The following SHF variants were observed in gnomAD, a reference collection of about 807,000 sequenced individuals.
SHF encodes SH2 domain-containing adapter protein F.
A neutral mutation model predicts 42.4 loss-of-function variants in SHF; 30 were observed. The ratio of observed to expected loss-of-function variants is 0.71; its 90% confidence interval spans 0.53 to 0.96. The LOEUF (loss-of-function observed/expected upper bound fraction) is 0.96. Ranked by LOEUF, SHF falls within the 40% of genes least tolerant of loss-of-function variation. The probability of loss-of-function intolerance (pLI) is 0.00; values close to 1 mark genes in which losing one functional copy is unlikely to be tolerated. For synonymous variants in SHF, 264 were observed against 269.9 expected, an observed-to-expected ratio of 0.98 and a Z score of 0.21; for missense variants, 598 against 634.0, an observed-to-expected ratio of 0.94 and a Z score of 0.61.
At chr15:45,192,131 A>G (rs1898723787), upstream of SHF, among the ~76,000 whole-genome samples, 1 of 152,048 alleles carries the variant, frequency 6.6e-6, no homozygotes, top group Non-Finnish European at 1.5e-5. Context: ...GAATTCTATC[A>G]GGCTACAAGA....
At chr15:45,172,027 G>A (rs1353678150) in intron 5 of SHF, 25 bp from the exon 6 acceptor site, 1 of 1,613,856 alleles carries the variant, frequency 6.2e-7, no homozygotes, top group Non-Finnish European at 8.5e-7. Context: ...GAGGAAGGGG[G>A]GCATCTCTGC....
chr15:45,198,553 A>G, intron 2 of SHF: 4 of 528,036 alleles, frequency 7.6e-6, no homozygotes, highest in Non-Finnish European at 1.3e-5. Context: ...ATAAAATGTT[A>G]CAAAAAAGGG....
intron 2 of SHF, among the ~76,000 whole-genome samples, chr15:45,193,778 G>C (rs866831491): frequency 3.3e-5 from 5 of 152,134 alleles, no homozygotes; most frequent in Admixed American, 6.5e-5. Context: ...CCTTATGCAG[G>C]CTTCATGCAG....
At chr15:45,200,910 G>A (rs1383842099) in exon 1 of SHF, 1 of 454,106 alleles carries the variant, frequency 2.2e-6, no homozygotes, top group Non-Finnish European at 4.4e-6. Context: ...TGCAGGCCCG[G>A]CCTCATAGGA....
chr15:45,177,802 G>A (rs1208399198), intron 2 of SHF, among the ~76,000 whole-genome samples: 1 of 152,090 alleles, frequency 6.6e-6, no homozygotes, highest in Non-Finnish European at 1.5e-5. Flanking sequence ...TGTATTTCTA[G>A]TCATCTTTCT....
At chr15:45,192,460 C>T (rs777059244), upstream of SHF, among the ~76,000 whole-genome samples, 2 of 150,508 alleles carry the variant, frequency 1.3e-5, no homozygotes, top group Non-Finnish European at 2.9e-5. Flanking sequence ...CTCTGCCTCC[C>T]GGGTTCACGC....
upstream of SHF, among the ~76,000 whole-genome samples, chr15:45,188,718 A>G (rs919777716): frequency 6.6e-6 from 1 of 152,236 alleles, no homozygotes; most frequent in Admixed American, 6.5e-5. Context: ...TAGCATGCGC[A>G]CGCACGCAGA....
chr15:45,187,777 C>CA lies in SHF; in HGVS notation c.174_175insT (p.Gly59TrpfsTer96). ...CTGCCCCCTCCGCCGCCGCCCCCCC[C>CA]GCGGAAGCCCAGGTGCTCCCGGAGC... On this transcript the variant is annotated frameshift_variant, in exon 1 of 7. Transcript: ENST00000690270. LOFTEE classifies it high-confidence loss of function. 1.1e-6 allele frequency: 1 copy of CA among 870,844 alleles called. No individual in the cohort carries two copies. The highest frequency in any genetic ancestry group is 1.5e-6 in the Non-Finnish European group (1 of 668,132). 53.9% of individuals were successfully genotyped at this position (870,844 alleles called of 1,614,324 possible).
At chr15:45,199,224 T>G in intron 1 of SHF, 1 of 843,064 alleles carries the variant, frequency 1.2e-6, no homozygotes, top group Non-Finnish European at 1.8e-6. Flanking sequence ...CAGCCCTGAC[T>G]CCTCCTGACT....
chr15:45,186,820 T>C (rs1898433570), intron 1 of SHF, among the ~76,000 whole-genome samples: 1 of 152,264 alleles, frequency 6.6e-6, no homozygotes, highest in Admixed American at 6.5e-5. Flanking sequence ...CGAAGCCCCC[T>C]TGGCAAGAGC....
upstream of SHF, among the ~76,000 whole-genome samples, chr15:45,192,399 G>A (rs528486266): frequency 8.6e-6 from 1 of 116,780 alleles, no homozygotes; most frequent in East Asian, 2.5e-4. Flanking sequence ...ACAGAGTCTC[G>A]CTCTGTCATC....
intron 4 of SHF, among the ~76,000 whole-genome samples, chr15:45,172,629 T>TC (rs1178560132): frequency 7.2e-5 from 11 of 152,140 alleles, no homozygotes; most frequent in Admixed American, 6.5e-5. Context: ...CTGACTGCCT[T>TC]CCCCCAGTCC....
chr15:45,196,542 A>T (rs561682199), intron 2 of SHF, among the ~76,000 whole-genome samples: 1 of 152,214 alleles, frequency 6.6e-6, no homozygotes, highest in Non-Finnish European at 1.5e-5. Flanking sequence ...CTAGCATTTC[A>T]TCGAAGCCCC....
chr15:45,181,371 C>T (rs2141389416), intron 1 of SHF, among the ~76,000 whole-genome samples: 1 of 152,366 alleles, frequency 6.6e-6, no homozygotes, highest in South Asian at 2.1e-4. Context: ...GCAGGACAGG[C>T]ACCCACCCTG....
upstream of SHF, among the ~76,000 whole-genome samples, chr15:45,189,179 T>A (rs1595642181): frequency 7.6e-6 from 1 of 131,612 alleles, no homozygotes; most frequent in Non-Finnish European, 1.6e-5. Flanking sequence ...GGCGACAGAG[T>A]GAGACTCCGT....
At chr15:45,194,954 C>T (rs1365615892) in intron 2 of SHF, among the ~76,000 whole-genome samples, 1 of 152,120 alleles carries the variant, frequency 6.6e-6, no homozygotes, top group Non-Finnish European at 1.5e-5. Flanking sequence ...TCAGCTGCTC[C>T]AATAGCTGGG....
intron 1 of SHF, among the ~76,000 whole-genome samples, chr15:45,183,124 G>C (rs769463409): frequency 6.6e-5 from 10 of 152,156 alleles, no homozygotes; most frequent in African/African-American, 4.8e-5. Flanking sequence ...TTGTTCATTA[G>C]CAAATGCTTA....
chr15:45,197,261 A>C (rs893802202), intron 2 of SHF, among the ~76,000 whole-genome samples: 22 of 151,936 alleles, frequency 1.4e-4, no homozygotes, highest in Non-Finnish European at 2.6e-4. Flanking sequence ...AAAAAAAAAA[A>C]AAAAAAAAAA....
At chr15:45,189,956 T>C (rs1898667467), upstream of SHF, among the ~76,000 whole-genome samples, 1 of 152,206 alleles carries the variant, frequency 6.6e-6, no homozygotes, top group Non-Finnish European at 1.5e-5. Flanking sequence ...GCTATGATTG[T>C]GCCACTGGTC....
Sources: allele counts gnomAD v4.1 joint callset (sites outside exome capture counted in the v4.1 genomes callset), GRCh38; gene constraint gnomAD v4.1.1; transcripts MANE v1.5; gene names NCBI Gene and HGNC (gene_info 2026-07-23, HGNC 2026-07-21).